Variants in OSTM1 observed in about 807,000 individuals in gnomAD.
OSTM1 encodes the protein osteoclastogenesis associated transmembrane protein 1, also known as osteopetrosis-associated transmembrane protein 1.
OSTM1 carries 26 observed loss-of-function variants against 35.4 expected under a neutral mutation model. The ratio of observed to expected loss-of-function variants is 0.73; its 90% CI spans 0.54 to 1.02. The LOEUF is 1.02. Ranked by LOEUF, OSTM1 falls within the 50% of genes least tolerant of loss-of-function variation. The pLI is 0.00. For synonymous variants in OSTM1, 181 were observed against 165.0 expected, an observed-to-expected ratio of 1.10 and a Z score of -0.75; for missense variants, 366 against 409.6, an observed-to-expected ratio of 0.89 and a Z score of 0.92.
intron 1 of OSTM1, among the ~76,000 whole-genome samples, chr6:108,065,896 C>T (rs557112046): frequency 9.9e-5 from 15 of 152,018 alleles, no homozygotes; most frequent in East Asian, 9.6e-4. Context: ...TGGAACAGTT[C>T]GGTTCAGGAA....
chr6:108,051,505 GAGGATA>G (rs1212496221), intron 3 of OSTM1, among the ~76,000 whole-genome samples: 1 of 152,190 alleles, frequency 6.6e-6, no homozygotes, highest in African/African-American at 2.4e-5. Context: ...AATGTTAACT[GAGGATA>G]ACAATAATTC....
chr6:108,042,294 T>TAA lies in OSTM1; in HGVS notation c.*2490_*2491insTT, dbSNP rs1771881048. ...AAAAAAAAAAAAAAAAAAAATTAAT[T>TAA]ATAAAAAAAAAAGAAAAAATATATC... On this transcript the variant is annotated 3_prime_UTR_variant, in exon 6 of 6. Coordinates refer to ENST00000193322, the MANE Select transcript of OSTM1 (RefSeq NM_014028.4). 1 of 148,040 alleles carries TAA rather than the reference T, an allele frequency of 6.8e-6. No homozygotes were observed. Among genetic ancestry groups the TAA allele is most frequent in the Admixed American group, 6.7e-5 (1 of 14,956 alleles). 9.2% of individuals were successfully genotyped at this position (148,040 alleles called of 1,614,324 possible). A position where few individuals can be genotyped will look rare whatever the true frequency, so the allele number is the denominator to read the frequency against.
At chr6:108,071,113 G>A (rs1385137197) in intron 1 of OSTM1, among the ~76,000 whole-genome samples, 1 of 151,712 alleles carries the variant, frequency 6.6e-6, no homozygotes, top group Non-Finnish European at 1.5e-5. Context: ...GCATGAACCT[G>A]GGAGGTGGAG....
At chr6:108,062,328 G>C (rs1206008833) in intron 2 of OSTM1, among the ~76,000 whole-genome samples, 1 of 152,070 alleles carries the variant, frequency 6.6e-6, no homozygotes, top group East Asian at 1.9e-4. Context: ...CGCAGCCCAA[G>C]TAGATGAAGC....
chr6:108,064,030 T>C (rs747554226), intron 2 of OSTM1, among the ~76,000 whole-genome samples, 155 bp downstream of exon 2: 2 of 152,242 alleles, frequency 1.3e-5, no homozygotes, highest in Non-Finnish European at 2.9e-5. Flanking sequence ...TTTGCTCAGT[T>C]GCCATTAATA....
At chr6:108,074,180 GACCATCATTAC>G in intron 1 of OSTM1, 59 bp downstream of exon 1, 1 of 1,489,758 alleles carries the variant, frequency 6.7e-7, no homozygotes, top group Non-Finnish European at 9.2e-7. Flanking sequence ...CCCCAGCGCT[GACCATCATTAC>G]ACCCTCCTCC....
intron 3 of OSTM1, among the ~76,000 whole-genome samples, chr6:108,052,200 C>T (rs985129902): frequency 6.6e-6 from 1 of 152,018 alleles, no homozygotes; most frequent in Non-Finnish European, 1.5e-5. Context: ...TTTGGGAGGC[C>T]GAGGTGGGCG....
At chr6:108,068,304 C>T (rs148440016) in intron 1 of OSTM1, among the ~76,000 whole-genome samples, 126 of 152,122 alleles carry the variant, frequency 8.3e-4, no homozygotes, top group Non-Finnish European at 1.7e-3. Context: ...ATTTTTATGC[C>T]GACACTCCCA....
intron 2 of OSTM1, among the ~76,000 whole-genome samples, chr6:108,061,145 TAAA>T (rs34221709): frequency 6.7e-6 from 1 of 148,420 alleles, no homozygotes; most frequent in Admixed American, 6.7e-5. Flanking sequence ...AAGGATATGC[TAAA>T]AAAAAAAGTT....
intron 1 of OSTM1, among the ~76,000 whole-genome samples, chr6:108,065,228 T>G (rs1485442011): frequency 6.6e-6 from 1 of 151,314 alleles, no homozygotes; most frequent in East Asian, 1.9e-4. Flanking sequence ...GAAGAAAATT[T>G]TCTATTATCA....
intron 5 of OSTM1, among the ~76,000 whole-genome samples, chr6:108,046,267 GC>G (rs1166864558): frequency 6.9e-6 from 1 of 145,598 alleles, no homozygotes; most frequent in African/African-American, 2.6e-5. Flanking sequence ...TGATCCGTCT[GC>G]CCCGGCCTCC....
At chr6:108,048,309 A>C (rs1434479577) in intron 5 of OSTM1, among the ~76,000 whole-genome samples, 3 of 152,224 alleles carry the variant, frequency 2.0e-5, no homozygotes, top group African/African-American at 7.2e-5. Context: ...CTTTTTTAAA[A>C]ACTAAAATTA....
rs535160176 is a variant in OSTM1, at chr6:108,044,576, C to T, written c.*209G>A. On this transcript the variant is annotated 3_prime_UTR_variant, in exon 6 of 6. Coordinates refer to ENST00000193322, the MANE Select transcript of OSTM1 (RefSeq NM_014028.4). The stretch of plus-strand genomic sequence containing the variant: ...ATACACATTAAAATAGATAACATTG[C>T]TATGCCTGGAAATTAAAAATATCCA... 14 of 452,102 alleles carry T rather than the reference C, an allele frequency of 3.1e-5. No homozygotes were observed. The highest frequency in any genetic ancestry group is 2.6e-4 in the African/African-American group (13 of 50,680). The allele number at this position is 452,102 out of a possible 1,614,324, so 28.0% of individuals were successfully genotyped here. A position where few individuals can be genotyped will look rare whatever the true frequency, so the allele number is the denominator to read the frequency against.
chr6:108,068,734 A>G (rs1772426201), intron 1 of OSTM1, among the ~76,000 whole-genome samples: 1 of 147,876 alleles, frequency 6.8e-6, no homozygotes, highest in South Asian at 2.1e-4. Flanking sequence ...TACCCTCTCC[A>G]TTTTCTGTCA....
At chr6:108,056,124 C>T (rs532983729) in intron 2 of OSTM1, among the ~76,000 whole-genome samples, 10 of 152,298 alleles carry the variant, frequency 6.6e-5, no homozygotes, top group African/African-American at 2.2e-4. Context: ...ATTACTACAA[C>T]GAAAGTTAAC....
Position 108,049,419 on chromosome 6 carries a change from C to T in OSTM1, c.784-1G>A. The T allele has an allele frequency of 1.2e-6, 2 of 1,613,306 alleles. No homozygotes were observed. Among genetic ancestry groups the T allele is most frequent in the Non-Finnish European group, 8.5e-7 (1 of 1,179,330 alleles). On this transcript the variant is annotated splice_acceptor_variant, in intron 4 of 5. Transcript: ENST00000193322. LOFTEE classifies it high-confidence loss of function. Reference sequence around the variant, plus strand: ...TCCATAGTTTTCGAGTGATGTTCATCTGGAACAAGAGCAAACAATATCTTT... The same window carrying T: ...TCCATAGTTTTCGAGTGATGTTCATTTGGAACAAGAGCAAACAATATCTTT...
Position 108,074,458 on chromosome 6 carries a change from C to A in OSTM1, c.194G>T (p.Gly65Val). The change falls in exon 1 of 6, where the codon GGT becomes GTT. Residue 65 changes from glycine to valine, a missense_variant. By Grantham distance (109) the Gly-to-Val change is moderately radical. Transcript: ENST00000193322. ...VEDLSLSLLQ[G>V]GGLGPLSLPP... ...CAGCGACAGAGGCCCCAGCCCTCCACCCTGCAGGAGGGACAGGGACAAGTC... is the reference window on the plus strand; with the variant it reads ...CAGCGACAGAGGCCCCAGCCCTCCAACCTGCAGGAGGGACAGGGACAAGTC... The A allele has an allele frequency of 6.4e-7, 1 of 1,557,266 alleles. No individual in the cohort carries two copies. Among genetic ancestry groups the A allele is most frequent in the Non-Finnish European group, 8.7e-7 (1 of 1,150,950 alleles).
intron 1 of OSTM1, among the ~76,000 whole-genome samples, chr6:108,068,544 C>T (rs1344912790): frequency 6.6e-6 from 1 of 152,088 alleles, no homozygotes. Context: ...TTCCTTACTC[C>T]CCACATTCAA....
chr6:108,056,819 C>T (rs1250758133), intron 2 of OSTM1, among the ~76,000 whole-genome samples: 1 of 152,198 alleles, frequency 6.6e-6, no homozygotes, highest in Non-Finnish European at 1.5e-5. Flanking sequence ...TTCTCCAGAA[C>T]ATGAATCTCA....
Sources: gnomAD v4.1 joint callset for allele counts (sites outside exome capture counted in the v4.1 genomes callset) on GRCh38, gnomAD v4.1.1 for gene constraint, MANE v1.5 for transcripts, NCBI Gene and HGNC (gene_info 2026-07-23, HGNC 2026-07-21) for gene names.